The following ZNF680 variants were observed in gnomAD, a reference collection of about 807,000 sequenced individuals.
The protein encoded by ZNF680 is hypothetical protein FLJ90430.
ZNF680 carries 6 observed loss-of-function variants against 12.1 expected under a neutral mutation model. The ratio of observed to expected loss-of-function variants is 0.49; its 90% CI spans 0.27 to 0.98. The LOEUF (loss-of-function observed/expected upper bound fraction) is 0.98, where lower values mean the gene tolerates loss of function less well. Ranked by LOEUF, ZNF680 falls within the 50% of genes least tolerant of loss-of-function variation. ZNF680 has a pLI of 0.12. For missense variants in ZNF680, 561 were observed against 616.3 expected (o/e 0.91, Z 0.95); for synonymous variants, 170 against 199.3 (o/e 0.85, Z 1.24).
chr7:64,552,906 A>C (rs764211660), intron 1 of ZNF680, among the ~76,000 whole-genome samples: 35 of 152,204 alleles, frequency 2.3e-4, no homozygotes, highest in Non-Finnish European at 3.5e-4. Context: ...TGGGCAGATC[A>C]CCTGAGGTCA....
chr7:64,543,466 G>C (rs1786615492), intron 3 of ZNF680, among the ~76,000 whole-genome samples: 1 of 152,200 alleles, frequency 6.6e-6, no homozygotes, highest in South Asian at 2.1e-4. Flanking sequence ...GCCATAAAGA[G>C]GACTTTGGCT....
In ZNF680 at chr7:64,521,921, A is replaced by G. The variant is rs139579240; in HGVS notation, c.833T>C (p.Phe278Ser). Residue 278 changes from phenylalanine to serine, a missense_variant, in exon 4 of 4, where the codon TTC becomes TCC. Coordinates refer to ENST00000309683, the MANE Select transcript of ZNF680 (RefSeq NM_178558.5). ...CEECGKAFSL[F>S]SILSKHKIIH... ...TATCTTATGTTTACTAAGGATTGAG[A>G]ATAAACTAAAGGCTTTGCCACATTC... 2.5e-5 allele frequency: 41 copies of G among 1,612,662 alleles called. No individual in the cohort carries two copies. The African/African-American group carries it at 4.5e-4, about 18-fold the overall frequency.
intron 3 of ZNF680, among the ~76,000 whole-genome samples, chr7:64,533,814 C>A (rs1044404487): frequency 6.6e-6 from 1 of 152,038 alleles, no homozygotes; most frequent in Non-Finnish European, 1.5e-5. Context: ...TTATAAAAAT[C>A]GGCACATAGA....
At chr7:64,526,465 A>G in intron 3 of ZNF680, 26 of 1,364,254 alleles carry the variant, frequency 1.9e-5, no homozygotes, top group Non-Finnish European at 2.3e-5. Context: ...CCAAGGCAGT[A>G]AGATAACTTG....
At chr7:64,513,276 T>C in the ZNF680 span, among the ~76,000 whole-genome samples, 3 of 152,020 alleles carry the variant, frequency 2.0e-5, no homozygotes, top group Admixed American at 2.0e-4. Flanking sequence ...TTTAGTAAAA[T>C]CTTTTTTAAA....
chr7:64,562,894 C>T (rs76795196), intron 1 of ZNF680, 31 bp downstream of exon 1: 23,133 of 1,613,260 alleles, frequency 0.014, 200 homozygotes, highest in Non-Finnish European at 0.017. Flanking sequence ...AGCCCCTCCC[C>T]CTCTCTCGGG....
chr7:64,518,323 A>T (rs78351216), downstream of ZNF680, among the ~76,000 whole-genome samples: 268 of 152,064 alleles, frequency 1.8e-3, 2 homozygotes, highest in African/African-American at 5.9e-3. Context: ...ACTTTTTTTT[A>T]CAATAGCTGG....
At chr7:64,531,037 G>A (rs967033643) in intron 3 of ZNF680, among the ~76,000 whole-genome samples, 3 of 151,984 alleles carry the variant, frequency 2.0e-5, no homozygotes, top group African/African-American at 7.2e-5. Flanking sequence ...TAAGAGTGGG[G>A]AATTTCAATA....
chr7:64,554,309 C>G (rs190464226), intron 1 of ZNF680, among the ~76,000 whole-genome samples: 1 of 151,288 alleles, frequency 6.6e-6, no homozygotes, highest in Non-Finnish European at 1.5e-5. Context: ...CGTCTCTGAC[C>G]GGCCACCCAG....
chr7:64,526,510 G>GT, intron 3 of ZNF680: 1 of 733,412 alleles, frequency 1.4e-6, no homozygotes, highest in Non-Finnish European at 2.2e-6. Flanking sequence ...GAGCAACACA[G>GT]TAAGACTCTG....
At chr7:64,561,448 C>T (rs2116578004) in intron 1 of ZNF680, among the ~76,000 whole-genome samples, 1 of 152,144 alleles carries the variant, frequency 6.6e-6, no homozygotes, top group African/African-American at 2.4e-5. Flanking sequence ...CTGTGACCCC[C>T]CAAAATTCTG....
chr7:64,503,175 G>C, the ZNF680 span, among the ~76,000 whole-genome samples: 4 of 152,162 alleles, frequency 2.6e-5, no homozygotes, highest in African/African-American at 4.8e-5. Flanking sequence ...ATTATATATA[G>C]ATGGATGCGG....
At chr7:64,507,477 A>C in the ZNF680 span, among the ~76,000 whole-genome samples, 24 of 152,122 alleles carry the variant, frequency 1.6e-4, no homozygotes, top group Admixed American at 2.6e-4. Context: ...AAGGATAGGT[A>C]AGTGAGTTGA....
intron 1 of ZNF680, chr7:64,561,334 G>A (rs1787722205): frequency 6.6e-6 from 1 of 152,482 alleles, no homozygotes; most frequent in South Asian, 2.1e-4. Flanking sequence ...ACATAGTCAT[G>A]GTGGGTATCA....
chr7:64,556,949 A>T (rs968370328), intron 1 of ZNF680, among the ~76,000 whole-genome samples: 2 of 152,248 alleles, frequency 1.3e-5, no homozygotes, highest in Non-Finnish European at 2.9e-5. Context: ...AAGGAATTTT[A>T]AAAATTTTAC....
the ZNF680 span, among the ~76,000 whole-genome samples, chr7:64,511,292 C>T: frequency 1.3e-5 from 2 of 151,872 alleles, no homozygotes; most frequent in South Asian, 4.1e-4. Flanking sequence ...TAAAATAAAA[C>T]CTAAAACACA....
rs757375920 is a variant in ZNF680 at position 64,543,818 on chromosome 7, T to C, written c.158-16A>G. 6.2e-7 allele frequency: 1 copy of C among 1,605,468 alleles called. No individual in the cohort carries two copies. The highest frequency in any genetic ancestry group is 8.5e-7 in the Non-Finnish European group (1 of 1,173,132). Reference sequence around the variant, plus strand: ...ACAGCAATACCTGTTTTATTAAAAATAAATAACATGAATCTTGCTCATATT... The same window carrying C: ...ACAGCAATACCTGTTTTATTAAAAACAAATAACATGAATCTTGCTCATATT... On this transcript the variant is annotated splice_polypyrimidine_tract_variant and intron_variant, in intron 2 of 3. Coordinates refer to ENST00000309683, the MANE Select transcript of ZNF680 (RefSeq NM_178558.5).
At chr7:64,538,030 A>G (rs963073690) in intron 3 of ZNF680, among the ~76,000 whole-genome samples, 19 of 151,638 alleles carry the variant, frequency 1.3e-4, no homozygotes, top group Non-Finnish European at 2.1e-4. Flanking sequence ...CCATTAACAC[A>G]TGATAGAGAA....
chr7:64,550,378 CTCTT>C (rs1040824296), intron 1 of ZNF680, among the ~76,000 whole-genome samples: 60 of 152,282 alleles, frequency 3.9e-4, no homozygotes, highest in African/African-American at 1.3e-3. Context: ...ATTTTAATGT[CTCTT>C]TGAGTCTTAT....
Sources: allele counts gnomAD v4.1 joint callset (sites outside exome capture counted in the v4.1 genomes callset), GRCh38; gene constraint gnomAD v4.1.1; transcripts MANE v1.5; gene names NCBI Gene and HGNC (gene_info 2026-07-23, HGNC 2026-07-21).